TMEM164: variants seen among roughly 807,000 people sequenced by gnomAD.
The protein encoded by TMEM164 is transmembrane protein 164.
Under a neutral mutation model 18.8 loss-of-function variants are expected in TMEM164, and 4 were observed. The ratio of observed to expected loss-of-function variants is 0.21; its 90% CI spans 0.10 to 0.49. TMEM164 has a LOEUF of 0.49. Ranked by LOEUF, TMEM164 falls within the 20% of genes least tolerant of loss-of-function variation. The pLI, the probability that TMEM164 is intolerant of heterozygous loss-of-function variation, is 0.98. For missense variants in TMEM164, 108 were observed against 239.9 expected (o/e 0.45, Z 3.63); for synonymous variants, 86 against 101.7 (o/e 0.85, Z 0.93).
chrX:110,039,979 G>A (rs1343668502), intron 2 of TMEM164, among the ~76,000 whole-genome samples: 1 of 111,427 alleles, frequency 9.0e-6, no homozygotes, highest in Non-Finnish European at 1.9e-5. Flanking sequence ...AAGGCTGAGG[G>A]TGTTTCCATG....
intron 4 of TMEM164, among the ~76,000 whole-genome samples, chrX:110,129,601 A>G (rs868679155): frequency 1.8e-5 from 2 of 112,739 alleles, no homozygotes; most frequent in African/African-American, 3.2e-5. Context: ...TATTTTATCC[A>G]GGACTTTTGG....
At chrX:110,105,749 ATGAGAGAGAG>A (rs2066188746) in intron 3 of TMEM164, among the ~76,000 whole-genome samples, 95 of 53,731 alleles carry the variant, frequency 1.8e-3, no homozygotes, top group African/African-American at 6.3e-3. Context: ...GAGAGAGAGA[ATGAGAGAGAG>A]AGAGAGAGAG....
At chrX:110,127,555 ACTC>A (rs1569341235) in intron 4 of TMEM164, among the ~76,000 whole-genome samples, 1 of 111,192 alleles carries the variant, frequency 9.0e-6, no homozygotes, top group East Asian at 2.8e-4. Context: ...CCACAACTCA[ACTC>A]CTGCTTCCAA....
chrX:110,027,701 A>G (rs1178144100), intron 2 of TMEM164, among the ~76,000 whole-genome samples: 1 of 110,893 alleles, frequency 9.0e-6, no homozygotes, highest in Admixed American at 9.7e-5. Flanking sequence ...TGGAGATTGC[A>G]GTGAGCCGAG....
At chrX:110,096,102 G>C (rs1438001728) in intron 3 of TMEM164, among the ~76,000 whole-genome samples, 1 of 112,526 alleles carries the variant, frequency 8.9e-6, no homozygotes, top group East Asian at 2.8e-4. Context: ...CCCCTACTGA[G>C]AGGTGCCACC....
At chrX:110,067,005 C>T (rs772197542) in intron 2 of TMEM164, among the ~76,000 whole-genome samples, 1 of 111,550 alleles carries the variant, frequency 9.0e-6, no homozygotes, top group South Asian at 3.8e-4. Context: ...GGAGGCAAAC[C>T]AGATGGCATG....
intron 3 of TMEM164, among the ~76,000 whole-genome samples, chrX:110,088,367 C>G (rs1425439254): frequency 2.7e-5 from 3 of 112,057 alleles, no homozygotes; most frequent in African/African-American, 9.7e-5. Flanking sequence ...GCACCTTCAC[C>G]TCGGAGGTGG....
intron 2 of TMEM164, among the ~76,000 whole-genome samples, chrX:110,021,127 T>G (rs1162490126): frequency 9.0e-6 from 1 of 111,424 alleles, no homozygotes; most frequent in Non-Finnish European, 1.9e-5. Flanking sequence ...TGACCACATT[T>G]CTGTATTATT....
intron 2 of TMEM164, among the ~76,000 whole-genome samples, chrX:110,010,441 G>T (rs749825460): frequency 1.8e-5 from 2 of 112,924 alleles, no homozygotes; most frequent in African/African-American, 6.4e-5. Context: ...AAGAGACTCT[G>T]GATGTGGAAA....
At chrX:110,142,821 T>C (rs1223861258) in intron 4 of TMEM164, among the ~76,000 whole-genome samples, 3 of 113,024 alleles carry the variant, frequency 2.7e-5, no homozygotes, top group African/African-American at 9.6e-5. Flanking sequence ...AAGTCCTAGC[T>C]TGTAACTGCA....
At chrX:110,045,602 A>G (rs1022192585) in intron 2 of TMEM164, among the ~76,000 whole-genome samples, 7 of 112,120 alleles carry the variant, frequency 6.2e-5, no homozygotes, top group African/African-American at 2.3e-4. Flanking sequence ...CCTGTCACCA[A>G]GACAGCCCAT....
At chrX:110,008,327 T>G (rs779200835) in intron 2 of TMEM164, among the ~76,000 whole-genome samples, 1 of 112,032 alleles carries the variant, frequency 8.9e-6, no homozygotes, top group Non-Finnish European at 1.9e-5. Flanking sequence ...GCTTTCTGTT[T>G]TCCCCCTTGA....
At position 110,176,570 on chromosome X, in the gene TMEM164, C is replaced by A; in HGVS notation, c.*3119C>A. 2 of 216,116 alleles carry A rather than the reference C, an allele frequency of 9.3e-6. No individual in the cohort carries two copies. The highest frequency in any genetic ancestry group is 1.4e-5 in the Non-Finnish European group (2 of 147,515). The allele number at this position is 216,116 out of a possible 1,213,427, so 17.8% of individuals were successfully genotyped here. A position where few individuals can be genotyped will look rare whatever the true frequency, so the allele number is the denominator to read the frequency against. On this transcript the variant is annotated 3_prime_UTR_variant, in exon 7 of 7. Transcript: ENST00000372068. ...GTACCTCAGTCTAGCTGTCAGATCA[C>A]CCCTTTTGCTGTAGCCTCTGTTGAG...
chrX:110,129,089 TC>T (rs2066575659), intron 4 of TMEM164, among the ~76,000 whole-genome samples: 1 of 87,973 alleles, frequency 1.1e-5, no homozygotes, highest in South Asian at 4.7e-4. Context: ...GAGCTGCCAG[TC>T]TGGAATCATG....
chrX:110,085,329 TA>T (rs71987973), intron 3 of TMEM164, among the ~76,000 whole-genome samples: 1,002 of 76,556 alleles, frequency 0.013, 12 homozygotes, highest in African/African-American at 0.033. Flanking sequence ...CTTGGCTAAT[TA>T]AAAAAAATAT....
chrX:110,119,886 A>G (rs781692927), intron 4 of TMEM164, among the ~76,000 whole-genome samples: 31 of 111,896 alleles, frequency 2.8e-4, no homozygotes, highest in Non-Finnish European at 5.5e-4. Context: ...TGAGCTTTTC[A>G]GTGGCGGTAA....
intron 2 of TMEM164, among the ~76,000 whole-genome samples, chrX:110,017,655 C>T (rs1933547980): frequency 9.8e-6 from 1 of 101,996 alleles, no homozygotes; most frequent in African/African-American, 3.6e-5. Flanking sequence ...CCGCAATCTC[C>T]GCCTCCTGGG....
chrX:110,075,994 C>T (rs953878752), intron 3 of TMEM164, among the ~76,000 whole-genome samples: 1 of 80,246 alleles, frequency 1.2e-5, no homozygotes, highest in Non-Finnish European at 2.3e-5. Context: ...AGGGAGGAGT[C>T]TCTCCTCCTT....
At chrX:110,148,734 C>T (rs2066897557) in intron 5 of TMEM164, among the ~76,000 whole-genome samples, 1 of 91,422 alleles carries the variant, frequency 1.1e-5, no homozygotes, top group African/African-American at 4.2e-5. Flanking sequence ...CCATGTTGCT[C>T]AGGCTGGTCT....
Sources: allele counts gnomAD v4.1 joint callset (sites outside exome capture counted in the v4.1 genomes callset), GRCh38; gene constraint gnomAD v4.1.1; transcripts MANE v1.5; gene names NCBI Gene and HGNC (gene_info 2026-07-23, HGNC 2026-07-21).